The following GLS variants were observed in gnomAD, a reference collection of about 807,000 sequenced individuals.
The protein encoded by GLS is glutaminase kidney isoform, mitochondrial.
Under a neutral mutation model 86.7 loss-of-function variants are expected in GLS, and 36 were observed. The observed-to-expected ratio is 0.42, with a 90% confidence interval of 0.32 to 0.55. The LOEUF (loss-of-function observed/expected upper bound fraction) is 0.55. GLS is among the 20% of genes least tolerant of loss of function. The probability of loss-of-function intolerance (pLI) is 0.17; values close to 1 mark genes in which losing one functional copy is unlikely to be tolerated. For missense variants in GLS, 528 were observed against 833.4 expected, an observed-to-expected ratio of 0.63 and a Z score of 4.51; for synonymous variants, 317 against 305.9, an observed-to-expected ratio of 1.04 and a Z score of -0.38.
In GLS at chr2:190,962,200, A is replaced by G. The variant is rs1482888662; in HGVS notation, c.1854-630A>G. Among the ~76,000 whole-genome samples, 1 of 152,156 alleles carries G rather than the reference A, an allele frequency of 6.6e-6. No homozygotes were observed. The highest frequency in any genetic ancestry group is 1.5e-5 in the Non-Finnish European group (1 of 68,032). ...AACAGCACAGCCCCAGAAGCATGGAAAGGGGAGTTATTAGTATGGAAAGGG... is the reference window on the plus strand; with the variant it reads ...AACAGCACAGCCCCAGAAGCATGGAGAGGGGAGTTATTAGTATGGAAAGGG... On this transcript the variant is annotated intron_variant, in intron 17 of 17. Transcript: ENST00000320717. The surrounding 1 kb of genome is among the most constrained non-coding windows in gnomAD (Gnocchi z 4.2).
rs1690492334 is a variant in GLS, at chr2:190,943,165, C to T, written c.1651-10400C>T. ...GGGTGGGTAGTGGATAATGGTTAGA[C>T]AACTATCAGTATGTAGAAGCTAGCT... On this transcript the variant is annotated intron_variant, in intron 14 of 17. Transcript: ENST00000320717. This position sits in a 1 kb window ranked among gnomAD's most constrained non-coding sequence, Gnocchi z 4.5. Among the ~76,000 whole-genome samples the T allele has an allele frequency of 6.6e-6, 1 of 152,110 alleles. No homozygotes were observed. The highest frequency in any genetic ancestry group is 2.4e-5 in the African/African-American group (1 of 41,406).
chr2:190,910,857 C>T (rs1689334758), intron 7 of GLS, among the ~76,000 whole-genome samples: 1 of 149,976 alleles, frequency 6.7e-6, no homozygotes, highest in Non-Finnish European at 1.5e-5. Flanking sequence ...TTAAATCATG[C>T]CATAATTAAA....
chr2:190,884,798 TAAAACAACA>T (rs1217316308), intron 1 of GLS, among the ~76,000 whole-genome samples: 1 of 152,188 alleles, frequency 6.6e-6, no homozygotes, highest in African/African-American at 2.4e-5. Context: ...AGTATTCTGT[TAAAACAACA>T]ATGAGGTCAC....
chr2:190,886,642 G>A (rs1381885643), intron 1 of GLS, among the ~76,000 whole-genome samples: 3 of 152,214 alleles, frequency 2.0e-5, no homozygotes, highest in Admixed American at 6.5e-5. Flanking sequence ...CAGGCTGGGC[G>A]TGGTGGCTCA....
Position 190,881,174 on chromosome 2 carries a change from C to T in GLS, c.90C>T (p.Pro30=), listed in dbSNP as rs751046940. 59 of 1,494,042 alleles carry T rather than the reference C, an allele frequency of 3.9e-5. No individual in the cohort carries two copies. Among genetic ancestry groups the T allele is most frequent in the South Asian group, 8.7e-5 (7 of 80,716 alleles). The allele number at this position is 1,494,042 out of a possible 1,614,324, so 92.5% of individuals were successfully genotyped here. A position where few individuals can be genotyped will look rare whatever the true frequency, so the allele number is the denominator to read the frequency against. ...GVSATLRRAQ[P]LVTLCRRPRG... is the part of the protein sequence containing the mutation. ...GCGCGACTCTGCGGCGGGCACAGCCCTTGGTCACCCTGTGCCGGCGTCCCC... is the reference window on the plus strand; with the variant it reads ...GCGCGACTCTGCGGCGGGCACAGCCTTTGGTCACCCTGTGCCGGCGTCCCC... The change falls in exon 1 of 18, where the codon CCC becomes CCT. Residue 30 remains proline (P), a synonymous_variant. Transcript: ENST00000320717.
Position 190,934,177 on chromosome 2 carries a change from T to C in GLS, c.1650+2540T>C, listed in dbSNP as rs1690196492. 3.1e-6 allele frequency: 3 copies of C among 982,280 alleles called. No individual in the cohort carries two copies. In the South Asian group the frequency reaches 1.4e-4, roughly 46 times the overall value. 60.8% of individuals were successfully genotyped at this position (982,280 alleles called of 1,614,324 possible). A position where few individuals can be genotyped will look rare whatever the true frequency, so the allele number is the denominator to read the frequency against. On this transcript the variant is annotated intron_variant, in intron 14 of 17. Coordinates refer to ENST00000320717, the MANE Select transcript of GLS (RefSeq NM_014905.5). ...ATTAGAAGAAAAACTTGGTGGTTTC[T>C]TAGCATGATGGTGTATGTATGTGGT...
chr2:190,891,674 C>T (rs1031148908), intron 1 of GLS, among the ~76,000 whole-genome samples: 6 of 152,014 alleles, frequency 3.9e-5, no homozygotes, highest in African/African-American at 1.2e-4. Context: ...TTCCTCTTTT[C>T]ATGTTGCAGA....
chr2:190,885,720 T>G (rs1688355029), intron 1 of GLS, among the ~76,000 whole-genome samples: 1 of 152,204 alleles, frequency 6.6e-6, no homozygotes, highest in East Asian at 1.9e-4. Context: ...ACAATTCACT[T>G]AAGCTAAAAT....
intron 6 of GLS, among the ~76,000 whole-genome samples, chr2:190,908,669 A>G (rs1689246149): frequency 6.6e-6 from 1 of 152,222 alleles, no homozygotes; most frequent in African/African-American, 2.4e-5. Context: ...GAAGCAAGAA[A>G]ATTTCACGGT....
Position 190,881,118 on chromosome 2 carries a change from G to A in GLS, c.34G>A (p.Asp12Asn), listed in dbSNP as rs747888831. The change falls in exon 1 of 18, where the codon GAC becomes AAC. Residue 12 changes from aspartate (D) to asparagine (N), a missense_variant. Physicochemically the swap from Asp to Asn is conservative, Grantham distance 23. Transcript: ENST00000320717. ...MRLRGSGMLR[D>N]LLLRSPAGVS... ...GCTGCGAGGCTCGGGGATGCTGCGG[G>A]ACCTGCTCCTGCGGTCGCCCGCCGG... The A allele has an allele frequency of 1.9e-5, 29 of 1,561,498 alleles. No homozygotes were observed. The African/African-American group carries it at 3.0e-4, about 16-fold the overall frequency.
intron 12 of GLS, among the ~76,000 whole-genome samples, chr2:190,929,143 C>T (rs913964264): frequency 1.3e-5 from 2 of 151,302 alleles, no homozygotes; most frequent in Non-Finnish European, 2.9e-5. Context: ...AATTAATGAA[C>T]ACTGCTCTAA....
Position 190,949,928 on chromosome 2 carries a change from A to G in GLS, c.1651-3637A>G, listed in dbSNP as rs547149040. 4.0e-5 allele frequency among the ~76,000 whole-genome samples: 6 copies of G among 150,296 alleles called. No individual in the cohort carries two copies. The South Asian group carries it at 1.3e-3, about 31-fold the overall frequency. On this transcript the variant is annotated intron_variant, in intron 14 of 17. Coordinates refer to ENST00000320717, the MANE Select transcript of GLS (RefSeq NM_014905.5). This position sits in a 1 kb window ranked among gnomAD's most constrained non-coding sequence, Gnocchi z 4.0. The stretch of plus-strand genomic sequence containing the variant: ...GAGACAAAAAACAAGTATATATAAA[A>G]ATATATATACTTTATATATAGTTAT...
intron 4 of GLS, among the ~76,000 whole-genome samples, chr2:190,901,532 TC>T (rs1479702506): frequency 1.3e-5 from 2 of 152,054 alleles, no homozygotes; most frequent in Non-Finnish European, 2.9e-5. Flanking sequence ...TATAACAACT[TC>T]AGTGTAAATA....
intron 3 of GLS, among the ~76,000 whole-genome samples, chr2:190,898,370 A>G (rs1044479945): frequency 6.6e-6 from 1 of 152,238 alleles, no homozygotes; most frequent in Non-Finnish European, 1.5e-5. Flanking sequence ...GCTGAAAAGC[A>G]TAAGCACCTC....
At chr2:190,904,425 C>G (rs186873125) in intron 5 of GLS, among the ~76,000 whole-genome samples, 1 of 152,254 alleles carries the variant, frequency 6.6e-6, no homozygotes, top group Non-Finnish European at 1.5e-5. Context: ...TATTTATTAT[C>G]TACTTTAAAA....
intron 14 of GLS, among the ~76,000 whole-genome samples, chr2:190,939,855 T>C (rs1275722285): frequency 6.6e-6 from 1 of 151,730 alleles, no homozygotes; most frequent in African/African-American, 2.4e-5. Context: ...CTCACAGTCA[T>C]TCCAAATTAA....
At position 190,881,114 on chromosome 2, in the gene GLS, G is replaced by T. The variant is rs911382019; in HGVS notation, c.30G>T (p.Leu10=). Residue 10 remains leucine (L), a synonymous_variant, in exon 1 of 18, where the codon CTG becomes CTT. Coordinates refer to ENST00000320717, the MANE Select transcript of GLS (RefSeq NM_014905.5). ...TGCGGCTGCGAGGCTCGGGGATGCT[G>T]CGGGACCTGCTCCTGCGGTCGCCCG... is the stretch of plus-strand genomic sequence containing the variant. The part of the protein sequence containing the change: MMRLRGSGM[L]RDLLLRSPAG... 2 of 1,561,424 alleles carry T rather than the reference G, an allele frequency of 1.3e-6. No individual in the cohort carries two copies. The highest frequency in any genetic ancestry group is 2.7e-5 in the African/African-American group (2 of 73,626).
chr2:190,916,057 C>T (rs1689521244), intron 7 of GLS, among the ~76,000 whole-genome samples: 1 of 152,104 alleles, frequency 6.6e-6, no homozygotes, highest in African/African-American at 2.4e-5. Flanking sequence ...ATTCACACCT[C>T]TGTAAAAATT....
At chr2:190,915,703 G>A (rs1689510898) in intron 7 of GLS, among the ~76,000 whole-genome samples, 1 of 152,134 alleles carries the variant, frequency 6.6e-6, no homozygotes, top group African/African-American at 2.4e-5. Flanking sequence ...ATAGTCTCAT[G>A]TCTTTCAAAT....
Sources: gnomAD v4.1 joint callset for allele counts (sites outside exome capture counted in the v4.1 genomes callset) on GRCh38, gnomAD v4.1.1 for gene constraint, Gnocchi (gnomAD v3.1) non-coding constraint, MANE v1.5 for transcripts, NCBI Gene and HGNC (gene_info 2026-07-23, HGNC 2026-07-21) for gene names.